Variants in GUCY1A2 observed in about 807,000 individuals in gnomAD.
GUCY1A2 encodes the protein guanylate cyclase soluble subunit alpha-2.
A neutral mutation model predicts 63.5 loss-of-function variants in GUCY1A2; 27 were observed. The ratio of observed to expected loss-of-function variants is 0.43; its 90% CI spans 0.31 to 0.59. The LOEUF (loss-of-function observed/expected upper bound fraction) is 0.59. GUCY1A2 is among the 20% of genes least tolerant of loss of function. GUCY1A2 has a pLI of 0.11. For synonymous variants in GUCY1A2, 364 were observed against 343.5 expected (o/e 1.06, Z -0.66); for missense variants, 768 against 913.3 (o/e 0.84, Z 2.05).
At chr11:106,976,314 G>C (rs183118135) in intron 3 of GUCY1A2, among the ~76,000 whole-genome samples, 1 of 151,782 alleles carries the variant, frequency 6.6e-6, no homozygotes, top group African/African-American at 2.4e-5. Flanking sequence ...GTTTTCCTGT[G>C]CCACCCCCCA....
At chr11:106,879,517 T>C (rs1436561968) in intron 4 of GUCY1A2, among the ~76,000 whole-genome samples, 1 of 152,092 alleles carries the variant, frequency 6.6e-6, no homozygotes, top group East Asian at 1.9e-4. Flanking sequence ...ATCTTTAATA[T>C]GTCCATGTTT....
At chr11:106,711,134 C>T (rs916677383) in intron 6 of GUCY1A2, among the ~76,000 whole-genome samples, 1 of 152,114 alleles carries the variant, frequency 6.6e-6, no homozygotes, top group African/African-American at 2.4e-5. Flanking sequence ...CTACCATAAA[C>T]ATATCTAATT....
intron 4 of GUCY1A2, among the ~76,000 whole-genome samples, chr11:106,840,691 A>G (rs1420826658): frequency 3.3e-5 from 5 of 151,942 alleles, no homozygotes; most frequent in Non-Finnish European, 2.9e-5. Context: ...TACTTTTGGC[A>G]ACAATCAATT....
Position 106,674,712 on chromosome 11 carries a change from C to A in GUCY1A2, c.*12837G>T. 1 of 197,978 alleles carries A rather than the reference C, an allele frequency of 5.1e-6. No homozygotes were observed. The highest frequency in any genetic ancestry group is 1.0e-5 in the Non-Finnish European group (1 of 95,776). 12.3% of individuals were successfully genotyped at this position (197,978 alleles called of 1,614,324 possible). A position where few individuals can be genotyped will look rare whatever the true frequency, so the allele number is the denominator to read the frequency against. ...AAAAGATATTATTCACAAAGTAAATCTAATAACAAAGGAGCAGATATACAA... is the reference window on the plus strand; with the variant it reads ...AAAAGATATTATTCACAAAGTAAATATAATAACAAAGGAGCAGATATACAA... On this transcript the variant is annotated 3_prime_UTR_variant, in exon 8 of 8. Coordinates refer to ENST00000526355, the MANE Select transcript of GUCY1A2 (RefSeq NM_000855.3).
chr11:106,687,360 AT>A lies in GUCY1A2; in HGVS notation c.*188del, dbSNP rs1285666693. ...TGAATGGACACATCTTATTTCCCTC[AT>A]CCTCCGGCTTTTTATTGACAGCGGT... On this transcript the variant is annotated 3_prime_UTR_variant, in exon 8 of 8. Coordinates refer to ENST00000526355, the MANE Select transcript of GUCY1A2 (RefSeq NM_000855.3). The A allele has an allele frequency of 3.4e-6, 2 of 591,578 alleles. No individual in the cohort carries two copies. Among genetic ancestry groups the A allele is most frequent in the African/African-American group, 3.7e-5 (2 of 53,730 alleles). The allele number at this position is 591,578 out of a possible 1,614,324, so 36.6% of individuals were successfully genotyped here. A position where few individuals can be genotyped will look rare whatever the true frequency, so the allele number is the denominator to read the frequency against.
intron 4 of GUCY1A2, among the ~76,000 whole-genome samples, chr11:106,902,869 T>A (rs944580420): frequency 3.3e-5 from 5 of 152,178 alleles, no homozygotes; most frequent in African/African-American, 9.7e-5. Context: ...ATAGGTTATA[T>A]GCAAATACTA....
chr11:106,712,016 GT>G (rs918139425), intron 6 of GUCY1A2, among the ~76,000 whole-genome samples: 1 of 151,610 alleles, frequency 6.6e-6, no homozygotes, highest in East Asian at 1.9e-4. Flanking sequence ...TTACCTTGAT[GT>G]TTTTTTCTTG....
At chr11:106,885,678 A>C (rs2135474581) in intron 4 of GUCY1A2, among the ~76,000 whole-genome samples, 1 of 152,292 alleles carries the variant, frequency 6.6e-6, no homozygotes, top group South Asian at 2.1e-4. Context: ...GGGATAGTAC[A>C]CCATCCTATT....
chr11:106,812,884 AAT>A (rs2135425597), intron 4 of GUCY1A2, among the ~76,000 whole-genome samples: 1 of 152,128 alleles, frequency 6.6e-6, no homozygotes, highest in South Asian at 2.1e-4. Context: ...CTTCCTTTTC[AAT>A]ATTTTCTATC....
rs995495266 is a variant in GUCY1A2, at chr11:106,685,719, G to A, written c.*1830C>T. On this transcript the variant is annotated 3_prime_UTR_variant, in exon 8 of 8. Transcript: ENST00000526355. ...CATACTGGCTGTAAACCTCCCCATT[G>A]TCCAGAAACACAGGCCCACAGAAGA... 4.4e-6 allele frequency: 1 copy of A among 227,280 alleles called. No homozygotes were observed. Among genetic ancestry groups the A allele is most frequent in the Non-Finnish European group, 8.8e-6 (1 of 114,278 alleles). The allele number at this position is 227,280 out of a possible 1,614,324, so 14.1% of individuals were successfully genotyped here. A position where few individuals can be genotyped will look rare whatever the true frequency, so the allele number is the denominator to read the frequency against.
chr11:107,011,761 G>A (rs912301915), intron 1 of GUCY1A2, among the ~76,000 whole-genome samples: 2 of 148,758 alleles, frequency 1.3e-5, no homozygotes, highest in Admixed American at 6.7e-5. Flanking sequence ...TGAGGCAGGA[G>A]CAAGACCCTA....
At chr11:106,758,265 T>G (rs1294079252) in intron 6 of GUCY1A2, among the ~76,000 whole-genome samples, 2 of 152,314 alleles carry the variant, frequency 1.3e-5, no homozygotes, top group Non-Finnish European at 2.9e-5. Flanking sequence ...CCATGGATCT[T>G]AGCTTGCTGG....
chr11:106,765,533 A>G (rs1864147950), intron 6 of GUCY1A2, among the ~76,000 whole-genome samples: 1 of 152,128 alleles, frequency 6.6e-6, no homozygotes, highest in African/African-American at 2.4e-5. Context: ...AGCATTCAAA[A>G]AACATTTGTT....
At chr11:106,903,308 G>A (rs966422789) in intron 4 of GUCY1A2, among the ~76,000 whole-genome samples, 2 of 151,684 alleles carry the variant, frequency 1.3e-5, no homozygotes, top group African/African-American at 2.4e-5. Context: ...AATTTTCTCA[G>A]TTCAACTGTA....
chr11:106,701,577 T>C (rs1862817953), intron 7 of GUCY1A2, among the ~76,000 whole-genome samples: 1 of 151,948 alleles, frequency 6.6e-6, no homozygotes, highest in Non-Finnish European at 1.5e-5. Context: ...AAAATAAAAT[T>C]TGTGCTCATA....
intron 5 of GUCY1A2, among the ~76,000 whole-genome samples, chr11:106,805,229 A>C (rs1858665627): frequency 6.9e-6 from 1 of 143,934 alleles, no homozygotes; most frequent in Admixed American, 7.5e-5. Flanking sequence ...CTGACAGAGA[A>C]AACTATTTTA....
At chr11:106,836,809 T>A (rs1393685378) in intron 4 of GUCY1A2, among the ~76,000 whole-genome samples, 1 of 151,992 alleles carries the variant, frequency 6.6e-6, no homozygotes, top group African/African-American at 2.4e-5. Context: ...TGTACTATAA[T>A]CTTATGCAGT....
chr11:106,830,150 T>C (rs766072567), intron 4 of GUCY1A2, among the ~76,000 whole-genome samples: 9 of 152,252 alleles, frequency 5.9e-5, no homozygotes, highest in African/African-American at 1.9e-4. Flanking sequence ...TCCTTTATCA[T>C]GTGACATAAG....
chr11:106,967,103 T>C (rs1861135955), intron 3 of GUCY1A2, among the ~76,000 whole-genome samples: 1 of 152,162 alleles, frequency 6.6e-6, no homozygotes, highest in Non-Finnish European at 1.5e-5. Context: ...AGTCAACGTT[T>C]TCCTGGGCAC....
Sources: allele counts gnomAD v4.1 joint callset (sites outside exome capture counted in the v4.1 genomes callset), GRCh38; gene constraint gnomAD v4.1.1; transcripts MANE v1.5; gene names NCBI Gene and HGNC (gene_info 2026-07-23, HGNC 2026-07-21).